The following CCDC91 variants were observed in gnomAD, a reference collection of about 807,000 sequenced individuals.
CCDC91 encodes the protein coiled-coil domain containing 91.
In CCDC91, 48 loss-of-function variants were observed where a neutral mutation model predicts 63.2. The observed-to-expected ratio is 0.76, with a 90% CI of 0.60 to 0.97. The LOEUF (loss-of-function observed/expected upper bound fraction) is 0.97, where lower values mean the gene tolerates loss of function less well. Among genes scored for constraint, CCDC91 ranks in the 50% least tolerant of loss-of-function variants. The pLI, the probability that CCDC91 is intolerant of heterozygous loss-of-function variation, is 0.00. For missense variants in CCDC91, 500 were observed against 494.6 expected, an observed-to-expected ratio of 1.01 and a Z score of -0.10; for synonymous variants, 167 against 165.8, an observed-to-expected ratio of 1.01 and a Z score of -0.06.
intron 1 of CCDC91, among the ~76,000 whole-genome samples, chr12:28,240,064 G>C (rs1342341285): frequency 1.3e-5 from 2 of 152,168 alleles, no homozygotes; most frequent in African/African-American, 4.8e-5. Flanking sequence ...TTTGGAATCA[G>C]ATTGGTATTT....
intron 12 of CCDC91, among the ~76,000 whole-genome samples, chr12:28,546,968 A>G (rs752221075): frequency 2.8e-4 from 43 of 152,244 alleles, no homozygotes; most frequent in Admixed American, 1.5e-3. Context: ...ATGTCTGTCA[A>G]TGGGAAAGTA....
At chr12:28,461,027 T>C (rs1950282640) in intron 11 of CCDC91, among the ~76,000 whole-genome samples, 1 of 152,008 alleles carries the variant, frequency 6.6e-6, no homozygotes, top group Non-Finnish European at 1.5e-5. Context: ...GTATAGTCTG[T>C]TGCTCCTAGG....
At chr12:28,525,117 C>T (rs992097106) in intron 12 of CCDC91, among the ~76,000 whole-genome samples, 25 of 151,792 alleles carry the variant, frequency 1.6e-4, no homozygotes, top group African/African-American at 5.8e-4. Context: ...GCTCACATTT[C>T]GGTTATTTCC....
intron 1 of CCDC91, among the ~76,000 whole-genome samples, chr12:28,206,815 C>T (rs897550008): frequency 5.9e-5 from 9 of 152,198 alleles, no homozygotes. Context: ...GCTATAGAGC[C>T]TATCATGAGG....
chr12:28,520,805 C>T (rs2141421956), intron 12 of CCDC91, among the ~76,000 whole-genome samples: 1 of 152,260 alleles, frequency 6.6e-6, no homozygotes, highest in East Asian at 1.9e-4. Flanking sequence ...GCCAGTTTTC[C>T]CAGCACCATT....
In CCDC91 at chr12:28,435,071, A is replaced by G. The variant is rs149225221; in HGVS notation, c.763-15090A>G. On this transcript the variant is annotated intron_variant, in intron 8 of 12. Transcript: ENST00000536442. ...ACTTACTGATTTTTATTGATCAAAT[A>G]AAAACCAAATAACCAGCTTTTGGTT... Among the ~76,000 whole-genome samples, 518 of 151,814 alleles carry G rather than the reference A, an allele frequency of 3.4e-3. 7 individuals carry two copies. The highest frequency in any genetic ancestry group is 0.012 in the African/African-American group (487 of 41,526).
In CCDC91 at chr12:28,549,194, A is replaced by C. The variant is rs751672227; in HGVS notation, c.*21A>C. ...AATAAAAAGAACATGACAAACCCAC[A>C]CTGGCATTGGATAAATCATATTACA... On this transcript the variant is annotated 3_prime_UTR_variant, in exon 13 of 13. Transcript: ENST00000536442. 1.5e-6 allele frequency: 2 copies of C among 1,292,572 alleles called. No homozygotes were observed. The highest frequency in any genetic ancestry group is 2.3e-6 in the Non-Finnish European group (2 of 887,888). The allele number at this position is 1,292,572 out of a possible 1,614,324, so 80.1% of individuals were successfully genotyped here. A position where few individuals can be genotyped will look rare whatever the true frequency, so the allele number is the denominator to read the frequency against.
At chr12:28,343,943 A>G (rs148159000) in intron 6 of CCDC91, among the ~76,000 whole-genome samples, 1,618 of 152,240 alleles carry the variant, frequency 0.011, 14 homozygotes, top group Non-Finnish European at 0.018. Context: ...CTTGCCAGCT[A>G]CTTTTGCCAG....
At chr12:28,256,887 C>G (rs1946494368) in intron 1 of CCDC91, 3 of 240,594 alleles carry the variant, frequency 1.2e-5, no homozygotes, top group Admixed American at 5.6e-5. Flanking sequence ...GGAATAGATG[C>G]AAAAAGCAGG....
intron 6 of CCDC91, among the ~76,000 whole-genome samples, chr12:28,356,669 C>T (rs1943548963): frequency 6.6e-6 from 1 of 152,130 alleles, no homozygotes; most frequent in Non-Finnish European, 1.5e-5. Flanking sequence ...AAACCTTTCT[C>T]AATCAGATAT....
chr12:28,247,819 T>G (rs1410168720), intron 1 of CCDC91, among the ~76,000 whole-genome samples: 2 of 152,176 alleles, frequency 1.3e-5, no homozygotes, highest in Non-Finnish European at 2.9e-5. Flanking sequence ...GAGATGGTTT[T>G]GGGATGAAAT....
chr12:28,289,509 T>G (rs771507107), intron 3 of CCDC91, among the ~76,000 whole-genome samples: 10 of 152,040 alleles, frequency 6.6e-5, no homozygotes, highest in Non-Finnish European at 1.2e-4. Context: ...TTTCTTAGTT[T>G]TGAATTCTAT....
At chr12:28,502,608 A>G (rs1592871046) in intron 12 of CCDC91, among the ~76,000 whole-genome samples, 1 of 150,590 alleles carries the variant, frequency 6.6e-6, no homozygotes, top group East Asian at 2.0e-4. Flanking sequence ...GAACCAAAAA[A>G]GAGCCCACAT....
chr12:28,295,694 G>A (rs1478502727), intron 3 of CCDC91, among the ~76,000 whole-genome samples: 2 of 151,950 alleles, frequency 1.3e-5, no homozygotes, highest in African/African-American at 2.4e-5. Flanking sequence ...AAGAACACAG[G>A]CACTGTTTTC....
chr12:28,231,341 C>A (rs1327832956), intron 1 of CCDC91, among the ~76,000 whole-genome samples: 1 of 152,176 alleles, frequency 6.6e-6, no homozygotes, highest in Non-Finnish European at 1.5e-5. Context: ...ATTGTAGTTG[C>A]AGACAGACTT....
chr12:28,519,611 G>A (rs908239773), intron 12 of CCDC91, among the ~76,000 whole-genome samples: 1 of 150,176 alleles, frequency 6.7e-6, no homozygotes, highest in African/African-American at 2.5e-5. Flanking sequence ...GGGTACACGT[G>A]CACAACGTGC....
intron 8 of CCDC91, among the ~76,000 whole-genome samples, chr12:28,432,160 G>A (rs891868677): frequency 6.6e-6 from 1 of 151,990 alleles, no homozygotes; most frequent in Non-Finnish European, 1.5e-5. Flanking sequence ...ATGTGCCATG[G>A]TGGTTTTCTG....
Position 28,240,572 on chromosome 12 carries a change from A to T in CCDC91, c.-14-16630A>T, listed in dbSNP as rs1425635284. Among the ~76,000 whole-genome samples, 4 of 152,188 alleles carry T rather than the reference A, an allele frequency of 2.6e-5. No individual in the cohort carries two copies. The East Asian group carries it at 7.7e-4, about 29-fold the overall frequency. Reference sequence around the variant, plus strand: ...ACTCAGTAAGTCAAAACACATTTTAAAAGAGACACGTTTAAAGTTTTTTTT... The same window carrying T: ...ACTCAGTAAGTCAAAACACATTTTATAAGAGACACGTTTAAAGTTTTTTTT... On this transcript the variant is annotated intron_variant, in intron 1 of 12. Transcript: ENST00000536442.
chr12:28,214,699 A>G (rs1943454551), intron 1 of CCDC91, among the ~76,000 whole-genome samples: 1 of 152,124 alleles, frequency 6.6e-6, no homozygotes, highest in Non-Finnish European at 1.5e-5. Context: ...ATAGTGTTTA[A>G]ATTACAGGAT....
Sources: gnomAD v4.1 joint callset for allele counts (sites outside exome capture counted in the v4.1 genomes callset) on GRCh38, gnomAD v4.1.1 for gene constraint, MANE v1.5 for transcripts, NCBI Gene and HGNC (gene_info 2026-07-23, HGNC 2026-07-21) for gene names.